HAT1: variants seen among roughly 807,000 people sequenced by gnomAD.
The protein encoded by HAT1 is histone acetyltransferase type B catalytic subunit.
Under a neutral mutation model 56.6 loss-of-function variants are expected in HAT1, and 20 were observed. The observed-to-expected ratio is 0.35, with a 90% confidence interval of 0.25 to 0.51. The LOEUF is 0.51. HAT1 is among the 20% of genes least tolerant of loss of function. HAT1 has a pLI of 0.95. For missense variants in HAT1, 408 were observed against 504.3 expected (o/e 0.81, Z 1.83); for synonymous variants, 146 against 165.5 (o/e 0.88, Z 0.91).
At chr2:171,933,422 TC>T (rs1044005760) in intron 2 of HAT1, among the ~76,000 whole-genome samples, 1 of 152,070 alleles carries the variant, frequency 6.6e-6, no homozygotes, top group Non-Finnish European at 1.5e-5. Flanking sequence ...CTTTAAACTT[TC>T]CTTTTCTAAT....
At chr2:171,931,696 G>A (rs997273634) in intron 2 of HAT1, among the ~76,000 whole-genome samples, 6 of 152,136 alleles carry the variant, frequency 3.9e-5, no homozygotes, top group African/African-American at 1.4e-4. Context: ...CAGCCATATA[G>A]TACAGTCAGC....
rs558449184 is a variant in HAT1, at chr2:171,978,040, G to A, written c.976-1207G>A. On this transcript the variant is annotated intron_variant, in intron 9 of 10. Coordinates refer to ENST00000264108, the MANE Select transcript of HAT1 (RefSeq NM_003642.4). ...TTCTGATATTTCCTTGATACCATTT[G>A]TCTTTTTTTTTCCTTTTCCTTTTTT... Among the ~76,000 whole-genome samples the A allele has an allele frequency of 2.3e-3, 346 of 149,198 alleles. 2 individuals carry two copies. Among genetic ancestry groups the A allele is most frequent in the Non-Finnish European group, 2.9e-3 (196 of 67,310 alleles).
intron 2 of HAT1, among the ~76,000 whole-genome samples, chr2:171,946,167 T>C (rs1687158051): frequency 6.6e-6 from 1 of 152,206 alleles, no homozygotes; most frequent in Non-Finnish European, 1.5e-5. Context: ...GCCAGGAATT[T>C]CCCCTGTGTA....
At chr2:171,944,274 C>T (rs898989140) in intron 2 of HAT1, among the ~76,000 whole-genome samples, 1 of 152,194 alleles carries the variant, frequency 6.6e-6, no homozygotes, top group Non-Finnish European at 1.5e-5. Context: ...TTTTCCCCTA[C>T]ATGACATTGA....
intron 8 of HAT1, among the ~76,000 whole-genome samples, chr2:171,970,500 T>C (rs1236082903): frequency 7.2e-4 from 4 of 5,590 alleles, no homozygotes; most frequent in Non-Finnish European, 2.1e-3. Flanking sequence ...CAGTTTCTTT[T>C]TTTTTTTTTT....
chr2:171,927,403 C>T (rs1686625601), intron 2 of HAT1, among the ~76,000 whole-genome samples: 1 of 152,136 alleles, frequency 6.6e-6, no homozygotes, highest in South Asian at 2.1e-4. Flanking sequence ...TTGGTAAGGG[C>T]TGAGTGGAGT....
At chr2:171,977,443 C>G (rs1162397543) in intron 9 of HAT1, among the ~76,000 whole-genome samples, 2 of 131,826 alleles carry the variant, frequency 1.5e-5, no homozygotes, top group Non-Finnish European at 3.2e-5. Flanking sequence ...GCCTGGGCAA[C>G]AGAGAGAGAC....
rs558654341 is a variant in HAT1, at chr2:171,967,727, C to T, written c.823+778C>T. 1.4e-4 allele frequency among the ~76,000 whole-genome samples: 22 copies of T among 152,156 alleles called. No individual in the cohort carries two copies. The South Asian group carries it at 4.6e-3, about 32-fold the overall frequency. On this transcript the variant is annotated intron_variant, in intron 8 of 10. Coordinates refer to ENST00000264108, the MANE Select transcript of HAT1 (RefSeq NM_003642.4). ...TACCTTTTTCTTTTATTGAAAAATA[C>T]TTTACCAGATAGTTACATGCAAATT... is the stretch of plus-strand genomic sequence containing the variant.
chr2:171,973,470 T>A (rs1266104693), intron 8 of HAT1, among the ~76,000 whole-genome samples: 1 of 151,098 alleles, frequency 6.6e-6, no homozygotes, highest in Non-Finnish European at 1.5e-5. Context: ...TGTCATTAAT[T>A]TGAAGAAAAT....
At chr2:171,960,932 A>G (rs750214565) in intron 4 of HAT1, among the ~76,000 whole-genome samples, 12 of 152,110 alleles carry the variant, frequency 7.9e-5, no homozygotes, top group Non-Finnish European at 1.6e-4. Context: ...ACTTGAGGTC[A>G]GGAGTTTGAG....
At chr2:171,928,577 C>A (rs904215336) in intron 2 of HAT1, among the ~76,000 whole-genome samples, 1 of 152,026 alleles carries the variant, frequency 6.6e-6, no homozygotes, top group Non-Finnish European at 1.5e-5. Flanking sequence ...GGCATGATTG[C>A]GGCTCAATGC....
chr2:171,976,176 C>G lies in HAT1; in HGVS notation c.843C>G (p.Ser281Arg). 6.3e-7 allele frequency: 1 copy of G among 1,583,558 alleles called. No individual in the cohort carries two copies. Among genetic ancestry groups the G allele is most frequent in the Non-Finnish European group, 8.6e-7 (1 of 1,164,288 alleles). Residue 281 changes from serine to arginine, a missense_variant, in exon 9 of 11, where the codon AGC becomes AGG. Transcript: ENST00000264108. ...LDITAEDPSKSYVKLRDFVLV... is the reference protein window; with the variant it reads ...LDITAEDPSKRYVKLRDFVLV... ...ATTTAGCGGAAGATCCATCCAAAAG[C>G]TATGTGAAATTACGAGACTTTGTGC...
At chr2:171,938,929 C>T (rs1335381350) in intron 2 of HAT1, among the ~76,000 whole-genome samples, 2 of 151,974 alleles carry the variant, frequency 1.3e-5, no homozygotes, top group Non-Finnish European at 2.9e-5. Flanking sequence ...TTAGTAGAGA[C>T]GGGGTTTCGC....
intron 10 of HAT1, chr2:171,979,836 C>G (rs1419807030): frequency 6.7e-6 from 1 of 150,204 alleles, no homozygotes; most frequent in Non-Finnish European, 1.4e-5. Flanking sequence ...AGAAAAAAAA[C>G]CCGGGTGCAG....
intron 2 of HAT1, among the ~76,000 whole-genome samples, chr2:171,934,944 C>T (rs563711993): frequency 4.0e-5 from 6 of 151,130 alleles, no homozygotes; most frequent in African/African-American, 9.7e-5. Context: ...TTAGTAGAGG[C>T]GGGGTTTCGC....
chr2:171,964,602 T>G (rs563578280), intron 4 of HAT1, among the ~76,000 whole-genome samples: 96 of 152,294 alleles, frequency 6.3e-4, no homozygotes, highest in Non-Finnish European at 1.2e-3. Context: ...AGTAAATGTA[T>G]TCAATCAAGT....
At chr2:171,951,379 G>A (rs1231255110) in intron 3 of HAT1, among the ~76,000 whole-genome samples, 1 of 152,058 alleles carries the variant, frequency 6.6e-6, no homozygotes, top group African/African-American at 2.4e-5. Context: ...TAAAAAATCT[G>A]TGTAATATCT....
intron 3 of HAT1, among the ~76,000 whole-genome samples, chr2:171,951,269 A>G (rs1175234337): frequency 6.6e-6 from 1 of 152,158 alleles, no homozygotes; most frequent in African/African-American, 2.4e-5. Flanking sequence ...AGCCTTTCAT[A>G]TTTTAAATAG....
At chr2:171,977,773 T>G (rs1021709084) in intron 9 of HAT1, among the ~76,000 whole-genome samples, 1 of 151,456 alleles carries the variant, frequency 6.6e-6, no homozygotes, top group Non-Finnish European at 1.5e-5. Flanking sequence ...TTCTTCCTTC[T>G]GTATTCCTTT....
Sources: gnomAD v4.1 joint callset for allele counts (sites outside exome capture counted in the v4.1 genomes callset) on GRCh38, gnomAD v4.1.1 for gene constraint, MANE v1.5 for transcripts, NCBI Gene and HGNC (gene_info 2026-07-23, HGNC 2026-07-21) for gene names.